The following ITPR1 variants were observed in gnomAD, a reference collection of about 807,000 sequenced individuals.
The protein encoded by ITPR1 is inositol 1,4,5-trisphosphate receptor type 1.
In ITPR1, 96 loss-of-function variants were observed where a neutral mutation model predicts 318.4. The ratio of observed to expected loss-of-function variants is 0.30; its 90% CI spans 0.26 to 0.36. ITPR1 has a LOEUF of 0.36. ITPR1 is among the 10% of genes least tolerant of loss of function. The pLI is 1.00. For missense variants in ITPR1, 2,440 were observed against 3,460.2 expected, an observed-to-expected ratio of 0.71 and a Z score of 7.40; for synonymous variants, 1,312 against 1,289.9, an observed-to-expected ratio of 1.02 and a Z score of -0.37.
intron 2 of ITPR1, among the ~76,000 whole-genome samples, chr3:4,514,085 T>TAAA (rs761609034): frequency 0.045 from 6,046 of 135,130 alleles, 182 homozygotes; most frequent in Middle Eastern, 0.072. Context: ...AGACTCTGTC[T>TAAA]AAAAAAAAAA....
intron 40 of ITPR1, among the ~76,000 whole-genome samples, chr3:4,718,514 A>G (rs1316037575): frequency 6.6e-6 from 1 of 152,216 alleles, no homozygotes; most frequent in Non-Finnish European, 1.5e-5. Context: ...ATGAGTGCTT[A>G]TGTTGAATTT....
At chr3:4,720,462 G>A (rs566753209) in intron 40 of ITPR1, among the ~76,000 whole-genome samples, 19 of 152,316 alleles carry the variant, frequency 1.2e-4, no homozygotes, top group Non-Finnish European at 2.2e-4. Context: ...AAGTACTCCC[G>A]AGGTGGTGAG....
intron 4 of ITPR1, among the ~76,000 whole-genome samples, chr3:4,550,422 C>T (rs2085450788): frequency 6.6e-6 from 1 of 152,186 alleles, no homozygotes; most frequent in East Asian, 1.9e-4. Flanking sequence ...TTATTGCGTG[C>T]TTCATGAAAA....
At chr3:4,507,647 A>T (rs1181149411) in intron 2 of ITPR1, among the ~76,000 whole-genome samples, 2 of 152,190 alleles carry the variant, frequency 1.3e-5, no homozygotes, top group African/African-American at 4.8e-5. Context: ...CTGCAGTGGG[A>T]TGGGTCATTA....
intron 4 of ITPR1, among the ~76,000 whole-genome samples, chr3:4,603,831 C>T (rs186580344): frequency 5.7e-4 from 87 of 152,234 alleles, no homozygotes; most frequent in Middle Eastern, 3.4e-3. Context: ...TTTGGTAGAA[C>T]GATTTGTTTT....
In ITPR1 at chr3:4,847,167, G is replaced by T. The variant is rs41308218; in HGVS notation, c.*942G>T. The T allele has an allele frequency of 4.4e-4, 67 of 152,640 alleles. No individual in the cohort carries two copies. Among genetic ancestry groups the T allele is most frequent in the Non-Finnish European group, 4.7e-4 (32 of 68,018 alleles). The allele number at this position is 152,640 out of a possible 1,614,324, so 9.5% of individuals were successfully genotyped here. On this transcript the variant is annotated 3_prime_UTR_variant, in exon 62 of 62. Coordinates refer to ENST00000649015, the MANE Select transcript of ITPR1 (RefSeq NM_001378452.1). ...TCATCTGAACCAACATGCTACAGTA[G>T]CTAAGAAGTATTAAAACTATATACA...
intron 3 of ITPR1, 30 bp downstream of exon 3, chr3:4,516,613 G>A (rs377352614): frequency 3.6e-6 from 5 of 1,388,562 alleles, no homozygotes; most frequent in South Asian, 1.2e-5. Flanking sequence ...TGTGTGGCAC[G>A]GTTTGTTTAA....
In ITPR1 at chr3:4,768,593, C is replaced by G. The variant is rs1439354024; in HGVS notation, c.5808C>G (p.Thr1936=). The change falls in exon 46 of 62, where the codon ACC becomes ACG. Residue 1936 remains threonine, a synonymous_variant. Coordinates refer to ENST00000649015, the MANE Select transcript of ITPR1 (RefSeq NM_001378452.1). ...CCGCTGCCACCAGGAAAGCCTTCAC[C>G]ACTTTCAGGAGGGAGGCTGATCCCG... The part of the protein sequence containing the change: ...EASAATRKAF[T]TFRREADPDD... The G allele has an allele frequency of 6.2e-7, 1 of 1,614,034 alleles. No individual in the cohort carries two copies. Among genetic ancestry groups the G allele is most frequent in the Admixed American group, 1.7e-5 (1 of 60,020 alleles).
intron 4 of ITPR1, among the ~76,000 whole-genome samples, chr3:4,604,804 G>A (rs1349465600): frequency 6.6e-6 from 1 of 152,068 alleles, no homozygotes; most frequent in Non-Finnish European, 1.5e-5. Context: ...TCTAGCAATG[G>A]CAGGCTTATG....
chr3:4,643,253 A>G (rs971201974), intron 7 of ITPR1, among the ~76,000 whole-genome samples: 1 of 152,236 alleles, frequency 6.6e-6, no homozygotes, highest in Non-Finnish European at 1.5e-5. Context: ...AGAAAATTCA[A>G]TTGTATATGC....
chr3:4,662,363 A>C (rs2093853017), intron 15 of ITPR1, 121 bp downstream of exon 15: 4 of 783,534 alleles, frequency 5.1e-6, no homozygotes, highest in East Asian at 3.0e-5. Context: ...AGGCCTTAGC[A>C]TTTATGGGTG....
At chr3:4,673,696 C>T (rs138565922) in intron 21 of ITPR1, among the ~76,000 whole-genome samples, 326 of 152,276 alleles carry the variant, frequency 2.1e-3, no homozygotes, top group South Asian at 0.012. Context: ...CATTCTCCTT[C>T]CTCAGCCTCC....
Position 4,730,008 on chromosome 3 carries a change from T to C in ITPR1, c.5220+2835T>C, listed in dbSNP as rs950090412. Among the ~76,000 whole-genome samples the C allele has an allele frequency of 7.2e-5, 11 of 152,066 alleles. No homozygotes were observed. In the South Asian group the frequency reaches 8.3e-4, roughly 11 times the overall value. On this transcript the variant is annotated intron_variant, in intron 42 of 61. Coordinates refer to ENST00000649015, the MANE Select transcript of ITPR1 (RefSeq NM_001378452.1). Reference sequence around the variant, plus strand: ...CAGCTTAGTGCTGTTGAGTAATTTATATCAGGATGATTAGGAAAGCTTTTC... The same window carrying C: ...CAGCTTAGTGCTGTTGAGTAATTTACATCAGGATGATTAGGAAAGCTTTTC...
chr3:4,502,661 G>A (rs1023675133), intron 2 of ITPR1, among the ~76,000 whole-genome samples: 13 of 151,572 alleles, frequency 8.6e-5, no homozygotes, highest in Admixed American at 7.2e-4. Flanking sequence ...GGATTGTCTC[G>A]ATCTCTTGAC....
At chr3:4,532,815 A>G (rs535221396) in intron 4 of ITPR1, among the ~76,000 whole-genome samples, 19 of 152,370 alleles carry the variant, frequency 1.2e-4, no homozygotes, top group African/African-American at 3.8e-4. Flanking sequence ...TAGTGGATCA[A>G]AGTGCCCAGA....
At position 4,826,441 on chromosome 3, in the gene ITPR1, C is replaced by T. The variant is rs1022324636; in HGVS notation, c.8028+8199C>T. ...TGCCCCCTGAAGTTAGCTGGCACCACGGCAGAGTCAAGAATATCGGAGCAG... is the reference window on the plus strand; with the variant it reads ...TGCCCCCTGAAGTTAGCTGGCACCATGGCAGAGTCAAGAATATCGGAGCAG... On this transcript the variant is annotated intron_variant, in intron 60 of 61. Coordinates refer to ENST00000649015, the MANE Select transcript of ITPR1 (RefSeq NM_001378452.1). This position sits in a 1 kb window ranked among gnomAD's most constrained non-coding sequence, Gnocchi z 4.2. 3.3e-5 allele frequency among the ~76,000 whole-genome samples: 5 copies of T among 152,130 alleles called. No homozygotes were observed. The highest frequency in any genetic ancestry group is 2.6e-4 in the Admixed American group (4 of 15,268).
chr3:4,496,962 C>G (rs1401838600), intron 2 of ITPR1, among the ~76,000 whole-genome samples: 1 of 152,202 alleles, frequency 6.6e-6, no homozygotes, highest in African/African-American at 2.4e-5. Context: ...TAAGGAGTCT[C>G]CACAGGGCCA....
In ITPR1 at chr3:4,611,231, C is replaced by CAAAAAA. The variant is rs748883296; in HGVS notation, c.164-16526_164-16521dup. 5.6e-4 allele frequency among the ~76,000 whole-genome samples: 57 copies of CAAAAAA among 101,014 alleles called. 4 individuals carry two copies. The highest frequency in any genetic ancestry group is 1.5e-3 in the African/African-American group (33 of 21,338). The allele number at this position is 101,014 out of a possible 152,430, so 66.3% of individuals were successfully genotyped here. ...GCAACATGTCAAAACCTCATCTCTA[C>CAAAAAA]AAAAAAAAAAACAAAAAAAAAACTA... On this transcript the variant is annotated intron_variant, in intron 4 of 61. Transcript: ENST00000649015.
chr3:4,573,224 A>G (rs1368217048), intron 4 of ITPR1, among the ~76,000 whole-genome samples: 1 of 152,128 alleles, frequency 6.6e-6, no homozygotes, highest in African/African-American at 2.4e-5. Context: ...AAGGGTTCTA[A>G]TTTCTCCACA....
Sources: gnomAD v4.1 joint callset for allele counts (sites outside exome capture counted in the v4.1 genomes callset) on GRCh38, gnomAD v4.1.1 for gene constraint, Gnocchi (gnomAD v3.1) non-coding constraint, MANE v1.5 for transcripts, NCBI Gene and HGNC (gene_info 2026-07-23, HGNC 2026-07-21) for gene names.